Variants in NKAIN2 observed in about 807,000 individuals in gnomAD.
NKAIN2 encodes sodium/potassium-transporting ATPase subunit beta-1-interacting protein 2.
In NKAIN2, 14 loss-of-function variants were observed where a neutral mutation model predicts 32.6. That is an observed-to-expected ratio of 0.43 (90% CI 0.28 to 0.67). The LOEUF (loss-of-function observed/expected upper bound fraction) is 0.67, where lower values mean the gene tolerates loss of function less well. Among genes scored for constraint, NKAIN2 ranks in the 30% least tolerant of loss-of-function variants. The pLI is 0.17. For synonymous variants in NKAIN2, 80 were observed against 87.2 expected, an observed-to-expected ratio of 0.92 and a Z score of 0.46; for missense variants, 198 against 258.3, an observed-to-expected ratio of 0.77 and a Z score of 1.60.
intron 4 of NKAIN2, among the ~76,000 whole-genome samples, chr6:124,705,098 A>G (rs1220832638): frequency 1.3e-5 from 2 of 152,080 alleles, no homozygotes; most frequent in Admixed American, 6.6e-5. Context: ...AAGAAACTAG[A>G]TGCTTCCAAG....
At chr6:124,082,399 C>T (rs1458332202) in intron 1 of NKAIN2, among the ~76,000 whole-genome samples, 2 of 151,908 alleles carry the variant, frequency 1.3e-5, no homozygotes, top group Non-Finnish European at 2.9e-5. Context: ...CAAGTGTAGA[C>T]AGGCATGTGA....
At chr6:124,741,205 A>G (rs929849824) in intron 4 of NKAIN2, among the ~76,000 whole-genome samples, 2 of 151,572 alleles carry the variant, frequency 1.3e-5, no homozygotes, top group Non-Finnish European at 2.9e-5. Flanking sequence ...GATGTCTACT[A>G]TACAACCAAG....
At chr6:124,214,550 A>C (rs1469745976) in intron 1 of NKAIN2, among the ~76,000 whole-genome samples, 1 of 152,036 alleles carries the variant, frequency 6.6e-6, no homozygotes, top group Non-Finnish European at 1.5e-5. Flanking sequence ...AGAGTTCAAG[A>C]CCAGCCTGGC....
intron 1 of NKAIN2, among the ~76,000 whole-genome samples, chr6:123,914,825 A>G (rs73773014): frequency 0.038 from 5,771 of 152,272 alleles, 357 homozygotes; most frequent in African/African-American, 0.13. Flanking sequence ...ACTTAAAAGC[A>G]AAGTTACAAA....
intron 1 of NKAIN2, among the ~76,000 whole-genome samples, chr6:124,099,877 CCTACACAAAAAG>C (rs758787147): frequency 4.6e-5 from 7 of 151,994 alleles, no homozygotes; most frequent in Non-Finnish European, 1.0e-4. Flanking sequence ...TTGTATGGAG[CCTACACAAAAAG>C]AAGTAGGGGA....
chr6:123,882,912 A>C (rs1025987710), intron 1 of NKAIN2, among the ~76,000 whole-genome samples: 4 of 152,180 alleles, frequency 2.6e-5, no homozygotes, highest in African/African-American at 9.7e-5. Flanking sequence ...AGAACACCAC[A>C]ATCAGCCAGA....
At chr6:123,894,823 A>G (rs1002032309) in intron 1 of NKAIN2, among the ~76,000 whole-genome samples, 4 of 152,152 alleles carry the variant, frequency 2.6e-5, no homozygotes, top group Non-Finnish European at 5.9e-5. Context: ...ATCAAAAGCC[A>G]TGGCAACCGT....
chr6:123,894,040 G>A (rs183656051), intron 1 of NKAIN2, among the ~76,000 whole-genome samples: 1 of 152,224 alleles, frequency 6.6e-6, no homozygotes, highest in African/African-American at 2.4e-5. Flanking sequence ...GGTACTACAA[G>A]TATATGTCCT....
intron 1 of NKAIN2, among the ~76,000 whole-genome samples, chr6:123,934,124 T>A (rs1776393240): frequency 6.6e-6 from 1 of 152,196 alleles, no homozygotes. Context: ...ACTTCACAAG[T>A]GATTTTATGA....
chr6:124,640,516 T>C (rs984200113), intron 3 of NKAIN2, among the ~76,000 whole-genome samples: 80 of 152,112 alleles, frequency 5.3e-4, no homozygotes, highest in African/African-American at 1.9e-3. Flanking sequence ...AAGATACCTG[T>C]GGGGAGGGAA....
intron 1 of NKAIN2, among the ~76,000 whole-genome samples, chr6:123,806,548 G>C (rs1582560079): frequency 6.6e-6 from 1 of 151,970 alleles, no homozygotes; most frequent in Admixed American, 6.6e-5. Flanking sequence ...AAAATAGGTG[G>C]GTGTGTATGT....
chr6:124,571,337 G>A (rs947974931), intron 3 of NKAIN2, among the ~76,000 whole-genome samples: 6 of 152,104 alleles, frequency 3.9e-5, no homozygotes, highest in African/African-American at 1.4e-4. Flanking sequence ...GAGATTCGGA[G>A]GGGCCAGGCG....
intron 2 of NKAIN2, among the ~76,000 whole-genome samples, chr6:124,313,224 C>T (rs1393120505): frequency 6.6e-6 from 1 of 152,068 alleles, no homozygotes; most frequent in Non-Finnish European, 1.5e-5. Flanking sequence ...TCATACTTCT[C>T]CAATAAAGTA....
Position 124,000,959 on chromosome 6 carries a change from G to A in NKAIN2, c.54+196705G>A, listed in dbSNP as rs552680095. Among the ~76,000 whole-genome samples, 20 of 152,130 alleles carry A rather than the reference G, an allele frequency of 1.3e-4. No individual in the cohort carries two copies. In the South Asian group the frequency reaches 3.3e-3, roughly 25 times the overall value. The stretch of plus-strand genomic sequence containing the variant: ...GTAAAAGCAGTACGTGTAAAAGCTT[G>A]TTCACCATTGACGTGAATGGTAGAT... On this transcript the variant is annotated intron_variant, in intron 1 of 6. Transcript: ENST00000368417.
chr6:124,144,227 AAAG>A (rs1242499086), intron 1 of NKAIN2, among the ~76,000 whole-genome samples: 2 of 152,210 alleles, frequency 1.3e-5, no homozygotes, highest in East Asian at 3.8e-4. Context: ...AGAAATTCCT[AAAG>A]AAGAAGGGAG....
intron 3 of NKAIN2, among the ~76,000 whole-genome samples, chr6:124,483,921 G>T (rs1021679305): frequency 6.6e-6 from 1 of 152,164 alleles, no homozygotes; most frequent in Non-Finnish European, 1.5e-5. Context: ...TATTAAAACT[G>T]CAGATAATTC....
At chr6:124,016,983 C>T (rs1225467276) in intron 1 of NKAIN2, among the ~76,000 whole-genome samples, 2 of 152,136 alleles carry the variant, frequency 1.3e-5, no homozygotes, top group Non-Finnish European at 2.9e-5. Context: ...TGTATGTACC[C>T]TGTGTATTAG....
At chr6:123,845,772 T>C (rs757493765) in intron 1 of NKAIN2, among the ~76,000 whole-genome samples, 3 of 152,202 alleles carry the variant, frequency 2.0e-5, no homozygotes, top group Non-Finnish European at 4.4e-5. Context: ...GAGTAATGAC[T>C]GTATACCTTA....
chr6:124,801,888 T>C (rs879155094), intron 5 of NKAIN2, among the ~76,000 whole-genome samples: 1 of 152,216 alleles, frequency 6.6e-6, no homozygotes, highest in East Asian at 1.9e-4. Context: ...GGTACTACTT[T>C]TCGGATCCAT....
Sources: allele counts gnomAD v4.1 joint callset (sites outside exome capture counted in the v4.1 genomes callset), GRCh38; gene constraint gnomAD v4.1.1; transcripts MANE v1.5; gene names NCBI Gene and HGNC (gene_info 2026-07-23, HGNC 2026-07-21).